The following CAPN2 variants were observed in gnomAD, a reference collection of about 807,000 sequenced individuals.
CAPN2 encodes calpain 2, also known as calpain-2 catalytic subunit.
In CAPN2, 92 loss-of-function variants were observed where a neutral mutation model predicts 102.3. The ratio of observed to expected loss-of-function variants is 0.90; its 90% CI spans 0.76 to 1.07. CAPN2 has a LOEUF of 1.07. CAPN2 is among the 50% of genes least tolerant of loss of function. The pLI is 0.00. For synonymous variants in CAPN2, 340 were observed against 355.4 expected (o/e 0.96, Z 0.49); for missense variants, 800 against 909.4 (o/e 0.88, Z 1.55).
Position 223,756,154 on chromosome 1 carries a change from C to T in CAPN2, c.1305+505C>T, listed in dbSNP as rs1435738986. On this transcript the variant is annotated intron_variant, in intron 10 of 20. Transcript: ENST00000295006. The surrounding 1 kb of genome is among the most constrained non-coding windows in gnomAD (Gnocchi z 4.1). ...GCTGGAGCCCAGATCCCTACACAGA[C>T]TCCTGCTGTATGCGTGTTTTCCTTT... Among the ~76,000 whole-genome samples the T allele has an allele frequency of 1.3e-5, 2 of 152,198 alleles. No individual in the cohort carries two copies. Among genetic ancestry groups the T allele is most frequent in the Non-Finnish European group, 2.9e-5 (2 of 68,034 alleles).
At position 223,731,918 on chromosome 1, in the gene CAPN2, C is replaced by G. The variant is rs997550943; in HGVS notation, c.308-12182C>G. The stretch of plus-strand genomic sequence containing the variant: ...GAGTGTGTCACCGGTAAGCTGAGTT[C>G]TTTCCCTACTTGGTATCAGTTGCAA... On this transcript the variant is annotated intron_variant, in intron 2 of 20. Coordinates refer to ENST00000295006, the MANE Select transcript of CAPN2 (RefSeq NM_001748.5). The surrounding 1 kb of genome is among the most constrained non-coding windows in gnomAD (Gnocchi z 4.2). 3.3e-5 allele frequency among the ~76,000 whole-genome samples: 5 copies of G among 152,196 alleles called. No homozygotes were observed. The highest frequency in any genetic ancestry group is 7.3e-5 in the Non-Finnish European group (5 of 68,038).
rs187652477 is a variant in CAPN2, at chr1:223,729,774, G to A, written c.307+11943G>A. Reference sequence around the variant, plus strand: ...TTCCAGCACTTTGGGAGGCCAAGGCGGGTGGATCACCTGAGGTCAGGAGTT... The same window carrying A: ...TTCCAGCACTTTGGGAGGCCAAGGCAGGTGGATCACCTGAGGTCAGGAGTT... On this transcript the variant is annotated intron_variant, in intron 2 of 20. Coordinates refer to ENST00000295006, the MANE Select transcript of CAPN2 (RefSeq NM_001748.5). 4.6e-5 allele frequency among the ~76,000 whole-genome samples: 7 copies of A among 152,240 alleles called. No individual in the cohort carries two copies. In the East Asian group the frequency reaches 1.2e-3, roughly 25 times the overall value.
chr1:223,736,414 A>G (rs969080342), intron 2 of CAPN2, among the ~76,000 whole-genome samples: 2 of 152,254 alleles, frequency 1.3e-5, no homozygotes, highest in Admixed American at 1.3e-4. Flanking sequence ...CGGTAAGGTC[A>G]GTGCTTTGAG....
chr1:223,715,732 C>A (rs1400482979), intron 1 of CAPN2, among the ~76,000 whole-genome samples: 1 of 152,130 alleles, frequency 6.6e-6, no homozygotes, highest in Admixed American at 6.5e-5. Context: ...ATGTTGTGAG[C>A]CCCTATGTTT....
chr1:223,716,631 AG>A (rs534819445), intron 1 of CAPN2, among the ~76,000 whole-genome samples: 6 of 151,758 alleles, frequency 4.0e-5, no homozygotes, highest in Non-Finnish European at 8.8e-5. Flanking sequence ...GGGCATGCCG[AG>A]GGCCGTTGGG....
Position 223,755,596 on chromosome 1 carries a change from C to T in CAPN2, c.1252C>T (p.Arg418Trp), listed in dbSNP as rs375412773. 8.1e-6 allele frequency: 13 copies of T among 1,612,598 alleles called. No individual in the cohort carries two copies. The highest frequency in any genetic ancestry group is 2.7e-5 in the African/African-American group (2 of 74,900). Residue 418 changes from arginine (R) to tryptophan (W), a missense_variant, in exon 10 of 21, where the codon CGG becomes TGG. Arg to Trp is a moderately radical substitution (Grantham distance 101). Coordinates refer to ENST00000295006, the MANE Select transcript of CAPN2 (RefSeq NM_001748.5). This position sits in a 1 kb window ranked among gnomAD's most constrained non-coding sequence, Gnocchi z 4.1. ...GGGGCTCATTCAGAAGCACCGACGGCGGCAGAGGAAGATGGGCGAGGACAT... is the reference window on the plus strand; with the variant it reads ...GGGGCTCATTCAGAAGCACCGACGGTGGCAGAGGAAGATGGGCGAGGACAT... Reference protein sequence around the residue: ...LVGLIQKHRRRQRKMGEDMHT... With the variant: ...LVGLIQKHRRWQRKMGEDMHT...
intron 2 of CAPN2, among the ~76,000 whole-genome samples, chr1:223,734,122 C>A (rs73123604): frequency 6.6e-6 from 1 of 152,104 alleles, no homozygotes; most frequent in Non-Finnish European, 1.5e-5. Context: ...TTCTCAGCCC[C>A]GGGATCCAGC....
Position 223,754,803 on chromosome 1 carries a change from G to A in CAPN2, c.1136-677G>A, listed in dbSNP as rs1050215978. ...TACACAGGATGTTCTTGGCCTCCGG[G>A]CTCACCGAGGGGGCGGCGACCGGCA... On this transcript the variant is annotated intron_variant, in intron 9 of 20. Coordinates refer to ENST00000295006, the MANE Select transcript of CAPN2 (RefSeq NM_001748.5). The surrounding 1 kb of genome is among the most constrained non-coding windows in gnomAD (Gnocchi z 4.7). 6.6e-6 allele frequency among the ~76,000 whole-genome samples: 1 copy of A among 152,170 alleles called. No individual in the cohort carries two copies. Among genetic ancestry groups the A allele is most frequent in the Non-Finnish European group, 1.5e-5 (1 of 68,020 alleles).
intron 16 of CAPN2, among the ~76,000 whole-genome samples, chr1:223,767,295 C>T (rs973401173): frequency 6.6e-5 from 10 of 151,366 alleles, no homozygotes; most frequent in Non-Finnish European, 1.2e-4. Context: ...CCCACTAACT[C>T]GTCATCTAGC....
At chr1:223,766,340 T>C in intron 15 of CAPN2, 27 bp from the exon 16 acceptor site, 1 of 1,587,730 alleles carries the variant, frequency 6.3e-7, no homozygotes, top group Non-Finnish European at 8.7e-7. Context: ...CAGAGATTTT[T>C]CCTGTCACAC....
chr1:223,713,957 C>T (rs982003440), intron 1 of CAPN2, among the ~76,000 whole-genome samples: 3 of 152,226 alleles, frequency 2.0e-5, no homozygotes, highest in Non-Finnish European at 2.9e-5. Context: ...TTGTGGCCCA[C>T]TAGGCCCTGC....
At position 223,743,689 on chromosome 1, in the gene CAPN2, T is replaced by G. The variant is rs531203687; in HGVS notation, c.308-411T>G. Among the ~76,000 whole-genome samples the G allele has an allele frequency of 1.6e-4, 24 of 152,204 alleles. No homozygotes were observed. The East Asian group carries it at 3.5e-3, about 22-fold the overall frequency. Reference sequence around the variant, plus strand: ...AGCCCAAACTCCCATTCAAAGCCTGTGTGCTCAGAAGCCTCTGCAGCTGCG... The same window carrying G: ...AGCCCAAACTCCCATTCAAAGCCTGGGTGCTCAGAAGCCTCTGCAGCTGCG... On this transcript the variant is annotated intron_variant, in intron 2 of 20. Transcript: ENST00000295006.
At chr1:223,716,574 G>A (rs1395278328) in intron 1 of CAPN2, among the ~76,000 whole-genome samples, 1 of 151,980 alleles carries the variant, frequency 6.6e-6, no homozygotes, top group Non-Finnish European at 1.5e-5. Context: ...AGAATGAACA[G>A]GGGCTAGATC....
rs551998380 is a variant in CAPN2 at position 223,768,824 on chromosome 1, G to GA, written c.1756-1015dup. On this transcript the variant is annotated intron_variant, in intron 16 of 20. Coordinates refer to ENST00000295006, the MANE Select transcript of CAPN2 (RefSeq NM_001748.5). Reference sequence around the variant, plus strand: ...TTGATTCTTCCTACCCATGAGCATGGAATGTTCTTCCATTTGTTTGTATCC... The same window carrying GA: ...TTGATTCTTCCTACCCATGAGCATGGAAATGTTCTTCCATTTGTTTGTATCC... Among the ~76,000 whole-genome samples, 910 of 151,728 alleles carry GA rather than the reference G, an allele frequency of 6.0e-3. 11 individuals carry two copies. Among genetic ancestry groups the GA allele is most frequent in the African/African-American group, 0.019 (774 of 41,314 alleles).
At chr1:223,706,597 C>T (rs1659611504) in intron 1 of CAPN2, among the ~76,000 whole-genome samples, 1 of 152,138 alleles carries the variant, frequency 6.6e-6, no homozygotes, top group Admixed American at 6.6e-5. Flanking sequence ...CAGGCTGGCT[C>T]TACAACACAA....
intron 1 of CAPN2, among the ~76,000 whole-genome samples, chr1:223,714,340 T>A (rs1047334745): frequency 2.0e-5 from 3 of 152,190 alleles, no homozygotes; most frequent in African/African-American, 4.8e-5. Flanking sequence ...TACTCACTCA[T>A]TTGACAACAC....
chr1:223,702,767 T>C (rs115910469), intron 1 of CAPN2, among the ~76,000 whole-genome samples: 1,588 of 151,874 alleles, frequency 0.01, 30 homozygotes, highest in African/African-American at 0.036. Context: ...ATTAGAAGCA[T>C]AGGAGTTATT....
At chr1:223,709,714 G>A (rs10916601), upstream of CAPN2, among the ~76,000 whole-genome samples, 29,522 of 151,472 alleles carry the variant, frequency 0.19, 3,206 homozygotes, top group African/African-American at 0.29. Flanking sequence ...TCTGGTGGAT[G>A]TTATAACTGG....
intron 2 of CAPN2, among the ~76,000 whole-genome samples, chr1:223,721,957 A>T (rs545958106): frequency 6.1e-4 from 93 of 152,358 alleles, no homozygotes; most frequent in African/African-American, 2.2e-3. Context: ...GATTCCAGTT[A>T]TGTGAAAAGT....
Sources: allele counts gnomAD v4.1 joint callset (sites outside exome capture counted in the v4.1 genomes callset), GRCh38; gene constraint gnomAD v4.1.1; non-coding constraint Gnocchi (gnomAD v3.1); transcripts MANE v1.5; gene names NCBI Gene and HGNC (gene_info 2026-07-23, HGNC 2026-07-21).